DLG2: variants seen among roughly 807,000 people sequenced by gnomAD.
DLG2 encodes discs large MAGUK scaffold protein 2, also known as disks large homolog 2.
Under a neutral mutation model 132.5 loss-of-function variants are expected in DLG2, and 45 were observed. That is an observed-to-expected ratio of 0.34 (90% CI 0.27 to 0.44). The LOEUF is 0.44. DLG2 is among the 20% of genes least tolerant of loss of function. DLG2 has a pLI of 1.00. For synonymous variants in DLG2, 424 were observed against 419.6 expected (o/e 1.01, Z -0.13); for missense variants, 1,045 against 1,196.9 (o/e 0.87, Z 1.87).
chr11:84,791,527 G>A (rs1378366387), intron 6 of DLG2, among the ~76,000 whole-genome samples: 1 of 152,028 alleles, frequency 6.6e-6, no homozygotes, highest in Non-Finnish European at 1.5e-5. Flanking sequence ...AGATTGCTTT[G>A]GCTGGTATGG....
chr11:83,541,266 C>G (rs888638217), intron 20 of DLG2, among the ~76,000 whole-genome samples: 3 of 152,186 alleles, frequency 2.0e-5, no homozygotes, highest in Admixed American at 6.5e-5. Flanking sequence ...CAGCCAGGAC[C>G]TTAGCCTAGT....
intron 6 of DLG2, among the ~76,000 whole-genome samples, chr11:84,592,209 T>C (rs145775222): frequency 9.2e-5 from 14 of 152,308 alleles, no homozygotes; most frequent in Admixed American, 9.2e-4. Context: ...TAATCAAGAC[T>C]GAGATCCATT....
chr11:85,381,820 C>T (rs928896196), intron 3 of DLG2, among the ~76,000 whole-genome samples: 3 of 151,652 alleles, frequency 2.0e-5, no homozygotes, highest in African/African-American at 4.8e-5. Flanking sequence ...CTAAAAACTA[C>T]AAAACATTGT....
At chr11:83,990,172 A>G (rs1475069813) in intron 11 of DLG2, among the ~76,000 whole-genome samples, 1 of 152,162 alleles carries the variant, frequency 6.6e-6, no homozygotes, top group African/African-American at 2.4e-5. Flanking sequence ...ATCAGTGAAT[A>G]TTTCAGTACT....
At chr11:84,243,390 T>A (rs1454799176) in intron 8 of DLG2, among the ~76,000 whole-genome samples, 1 of 141,964 alleles carries the variant, frequency 7.0e-6, no homozygotes, top group Non-Finnish European at 1.5e-5. Context: ...TGTGTTCAAT[T>A]TGTTGAATAA....
At chr11:84,215,916 GT>G (rs1244627160) in intron 8 of DLG2, among the ~76,000 whole-genome samples, 1 of 152,158 alleles carries the variant, frequency 6.6e-6, no homozygotes, top group East Asian at 1.9e-4. Flanking sequence ...AGAAGTAGTG[GT>G]TTTGGAAAGG....
At position 83,581,212 on chromosome 11, in the gene DLG2, A is replaced by G. The variant is rs140299517; in HGVS notation, c.1941-39354T>C. ...CTGCCCTTCTGTCCATTCCATGGAG[A>G]CATATTACTCCCATTTTGCTTAAGC... On this transcript the variant is annotated intron_variant, in intron 19 of 27. Transcript: ENST00000376104. 2.2e-3 allele frequency among the ~76,000 whole-genome samples: 329 copies of G among 152,028 alleles called. 2 individuals are homozygous for G. The highest frequency in any genetic ancestry group is 6.7e-3 in the African/African-American group (276 of 41,488).
intron 16 of DLG2, among the ~76,000 whole-genome samples, chr11:83,852,322 T>C (rs893481860): frequency 1.3e-5 from 2 of 152,206 alleles, no homozygotes; most frequent in African/African-American, 4.8e-5. Context: ...CCCTATGACC[T>C]GTCACTTCAG....
intron 19 of DLG2, among the ~76,000 whole-genome samples, chr11:83,597,742 A>G (rs2057851894): frequency 2.0e-5 from 3 of 152,108 alleles, no homozygotes; most frequent in Non-Finnish European, 4.4e-5. Flanking sequence ...CTGAGGCTGC[A>G]CCACTGCACT....
intron 3 of DLG2, among the ~76,000 whole-genome samples, chr11:85,588,314 AG>A (rs1361971481): frequency 1.3e-5 from 2 of 152,168 alleles, no homozygotes; most frequent in African/African-American, 4.8e-5. Flanking sequence ...CTTCTTCCTC[AG>A]GAACACCAAT....
intron 7 of DLG2, among the ~76,000 whole-genome samples, chr11:84,318,315 G>A (rs1466737630): frequency 1.3e-5 from 2 of 152,178 alleles, no homozygotes; most frequent in Admixed American, 1.3e-4. Context: ...TATTCTGTTT[G>A]AAACTTTCCA....
chr11:84,461,949 TA>T (rs144636787), intron 7 of DLG2, among the ~76,000 whole-genome samples: 3 of 149,230 alleles, frequency 2.0e-5, no homozygotes, highest in East Asian at 2.0e-4. Context: ...TCTGTAGTCC[TA>T]AAAAAAAATC....
intron 6 of DLG2, among the ~76,000 whole-genome samples, chr11:84,728,265 T>C (rs781699680): frequency 3.0e-4 from 46 of 152,214 alleles, no homozygotes; most frequent in Non-Finnish European, 4.9e-4. Context: ...ATACGTTCCA[T>C]TGATACCTAG....
At chr11:85,454,323 GACC>G (rs2092348879) in intron 3 of DLG2, among the ~76,000 whole-genome samples, 1 of 151,372 alleles carries the variant, frequency 6.6e-6, no homozygotes, top group African/African-American at 2.4e-5. Context: ...TATTCTTGTT[GACC>G]ACATGTATGT....
chr11:83,532,807 G>A (rs1244826950), intron 20 of DLG2, 24 bp from the exon 21 acceptor site: 1 of 1,600,702 alleles, frequency 6.2e-7, no homozygotes, highest in East Asian at 2.2e-5. Context: ...AGAATAAAGA[G>A]TCTCTCACGT....
intron 3 of DLG2, among the ~76,000 whole-genome samples, chr11:85,330,875 C>T (rs902891340): frequency 6.8e-6 from 1 of 146,738 alleles, no homozygotes; most frequent in Admixed American, 6.8e-5. Flanking sequence ...AATTCTCATA[C>T]ATAAACCCTT....
chr11:83,792,144 C>G (rs1050963094), intron 17 of DLG2, among the ~76,000 whole-genome samples: 8 of 152,086 alleles, frequency 5.3e-5, no homozygotes, highest in Non-Finnish European at 1.5e-5. Flanking sequence ...TCAGTGAGAT[C>G]CCTCTTGATG....
intron 6 of DLG2, among the ~76,000 whole-genome samples, chr11:84,698,868 TG>T (rs2058899033): frequency 6.6e-6 from 1 of 151,618 alleles, no homozygotes; most frequent in South Asian, 2.1e-4. Context: ...GAAAATACAT[TG>T]TTATTCAAAT....
intron 7 of DLG2, among the ~76,000 whole-genome samples, chr11:84,355,384 C>G (rs1600492289): frequency 6.6e-6 from 1 of 151,924 alleles, no homozygotes; most frequent in East Asian, 1.9e-4. Flanking sequence ...TGGGAGGTGA[C>G]TGGATCATGA....
Sources: allele counts gnomAD v4.1 joint callset (sites outside exome capture counted in the v4.1 genomes callset), GRCh38; gene constraint gnomAD v4.1.1; transcripts MANE v1.5; gene names NCBI Gene and HGNC (gene_info 2026-07-23, HGNC 2026-07-21).